The following CGNL1 variants were observed in gnomAD, a reference collection of about 807,000 sequenced individuals.
CGNL1 encodes the protein cingulin-like protein 1.
A neutral mutation model predicts 141.2 loss-of-function variants in CGNL1; 132 were observed. The ratio of observed to expected loss-of-function variants is 0.93; its 90% CI spans 0.81 to 1.08. The LOEUF is 1.08. Among genes scored for constraint, CGNL1 ranks in the 50% least tolerant of loss-of-function variants. The probability of loss-of-function intolerance (pLI) is 0.00; values close to 1 mark genes in which losing one functional copy is unlikely to be tolerated. For missense variants in CGNL1, 1,870 were observed against 1,588.6 expected (o/e 1.18, Z -3.01); for synonymous variants, 690 against 622.1 (o/e 1.11, Z -1.63).
intron 14 of CGNL1, among the ~76,000 whole-genome samples, chr15:57,532,181 T>C (rs2031989453): frequency 6.6e-6 from 1 of 152,220 alleles, no homozygotes; most frequent in Non-Finnish European, 1.5e-5. Flanking sequence ...TAAAAGCACA[T>C]TCTATCATTA....
At position 57,523,485 on chromosome 15, in the gene CGNL1, G is replaced by A. The variant is rs1466556041; in HGVS notation, c.2716-4G>A. ...CAGCACTGTCCTTTCCCTGCCATTT[G>A]CAGGGAAATCTGAGTCAGACTACCC... is the stretch of plus-strand genomic sequence containing the variant. On this transcript the variant is annotated splice_region_variant and splice_polypyrimidine_tract_variant and intron_variant, in intron 10 of 18. Coordinates refer to ENST00000281282, the MANE Select transcript of CGNL1 (RefSeq NM_032866.5). 1.9e-6 allele frequency: 3 copies of A among 1,613,948 alleles called. No homozygotes were observed. Among genetic ancestry groups the A allele is most frequent in the Non-Finnish European group, 2.5e-6 (3 of 1,180,008 alleles).
rs775773857 is a variant in CGNL1, at chr15:57,461,907, A to G, written c.2403+15A>G. 1 of 1,605,730 alleles carries G rather than the reference A, an allele frequency of 6.2e-7. No individual in the cohort carries two copies. The highest frequency in any genetic ancestry group is 8.5e-7 in the Non-Finnish European group (1 of 1,172,914). On this transcript the variant is annotated intron_variant, in intron 8 of 18. Transcript: ENST00000281282. ...AAGCAACCAAGGTGAGGGATGGGGC[A>G]GGAGAATCTGGCTTGTGAACAGATG...
At position 57,480,478 on chromosome 15, in the gene CGNL1, C is replaced by T. The variant is rs574257097; in HGVS notation, c.2403+18586C>T. Reference sequence around the variant, plus strand: ...GAGGTTGCAGTGAGCTGAGATCCTGCCATTGCACTCCAGCCTGGACAACAG... The same window carrying T: ...GAGGTTGCAGTGAGCTGAGATCCTGTCATTGCACTCCAGCCTGGACAACAG... On this transcript the variant is annotated intron_variant, in intron 8 of 18. Transcript: ENST00000281282. 7.0e-4 allele frequency among the ~76,000 whole-genome samples: 107 copies of T among 152,128 alleles called. 1 individual carries two copies. Among genetic ancestry groups the T allele is most frequent in the African/African-American group, 2.5e-3 (105 of 41,480 alleles).
At chr15:57,467,913 C>G (rs2063530094) in intron 8 of CGNL1, among the ~76,000 whole-genome samples, 3 of 152,146 alleles carry the variant, frequency 2.0e-5, no homozygotes, top group African/African-American at 7.2e-5. Context: ...TAGTCTAGAA[C>G]TCCTGACCTC....
rs567765765 is a variant in CGNL1, at chr15:57,538,479, C to G, written c.3292-5217C>G. Among the ~76,000 whole-genome samples, 11 of 152,080 alleles carry G rather than the reference C, an allele frequency of 7.2e-5. No individual in the cohort carries two copies. The East Asian group carries it at 1.4e-3, about 19-fold the overall frequency. Reference sequence around the variant, plus strand: ...GATAAATAATTCCTTTTTTTGCCCCCCTTTGGAGAGTCACCATTATCCTGG... The same window carrying G: ...GATAAATAATTCCTTTTTTTGCCCCGCTTTGGAGAGTCACCATTATCCTGG... On this transcript the variant is annotated intron_variant, in intron 14 of 18. Transcript: ENST00000281282.
At chr15:57,390,770 A>G (rs2062533997) in intron 1 of CGNL1, among the ~76,000 whole-genome samples, 1 of 152,040 alleles carries the variant, frequency 6.6e-6, no homozygotes. Context: ...TTTCACTGCG[A>G]TGGGGCTCGT....
At chr15:57,407,092 GC>G in intron 1 of CGNL1, 1 of 152,328 alleles carries the variant, frequency 6.6e-6, no homozygotes, top group Non-Finnish European at 1.5e-5. Flanking sequence ...ACTTGCCCCT[GC>G]TGTTAGGAGG....
chr15:57,494,280 A>T (rs1216028027), intron 8 of CGNL1, among the ~76,000 whole-genome samples: 2 of 152,218 alleles, frequency 1.3e-5, no homozygotes, highest in African/African-American at 4.8e-5. Flanking sequence ...GGGGTTGAGA[A>T]GGATCTGTAT....
chr15:57,388,566 G>A (rs925804665), intron 1 of CGNL1, among the ~76,000 whole-genome samples: 1 of 152,218 alleles, frequency 6.6e-6, no homozygotes, highest in South Asian at 2.1e-4. Flanking sequence ...GTGCTCGCAC[G>A]ACTGTACTGA....
In CGNL1 at chr15:57,549,929, G is replaced by C. The variant is rs553443499; in HGVS notation, c.*2439G>C. On this transcript the variant is annotated 3_prime_UTR_variant, in exon 19 of 19. Transcript: ENST00000281282. ...AAGCCTCAGCCCACTCATACCTAGAGACGCTGCTGGGGAAGGTCAGCACAC... is the reference window on the plus strand; with the variant it reads ...AAGCCTCAGCCCACTCATACCTAGACACGCTGCTGGGGAAGGTCAGCACAC... The C allele has an allele frequency of 8.5e-4, 129 of 152,312 alleles. No individual in the cohort carries two copies. The highest frequency in any genetic ancestry group is 2.8e-3 in the African/African-American group (118 of 41,560). The allele number at this position is 152,312 out of a possible 1,614,324, so 9.4% of individuals were successfully genotyped here. A position where few individuals can be genotyped will look rare whatever the true frequency, so the allele number is the denominator to read the frequency against.
chr15:57,510,651 T>C (rs1595780482), intron 8 of CGNL1, among the ~76,000 whole-genome samples: 1 of 152,178 alleles, frequency 6.6e-6, no homozygotes, highest in African/African-American at 2.4e-5. Flanking sequence ...AAAATTTACA[T>C]TCATTTATAA....
intron 8 of CGNL1, among the ~76,000 whole-genome samples, chr15:57,468,234 C>CTTTTTTTTTTTTTTTTTTTTT (rs57360097): frequency 1.2e-5 from 1 of 85,912 alleles, no homozygotes; most frequent in African/African-American, 5.0e-5. Flanking sequence ...TTTTCTTTTT[C>CTTTTTTTTTTTTTTTTTTTTT]TTTTTTTTTT....
chr15:57,548,309 T>C lies in CGNL1; in HGVS notation c.*819T>C, dbSNP rs983093825. The C allele has an allele frequency of 6.6e-6, 1 of 152,204 alleles. No individual in the cohort carries two copies. 9.4% of individuals were successfully genotyped at this position (152,204 alleles called of 1,614,324 possible). A position where few individuals can be genotyped will look rare whatever the true frequency, so the allele number is the denominator to read the frequency against. ...AGCCACCACGCCCAGCCATTGAGTA[T>C]TCTTTTTTAAAATATGAAGCTATTA... is the stretch of plus-strand genomic sequence containing the variant. On this transcript the variant is annotated 3_prime_UTR_variant, in exon 19 of 19. Coordinates refer to ENST00000281282, the MANE Select transcript of CGNL1 (RefSeq NM_032866.5).
At chr15:57,505,302 C>A (rs932009769) in intron 8 of CGNL1, among the ~76,000 whole-genome samples, 1 of 152,178 alleles carries the variant, frequency 6.6e-6, no homozygotes, top group East Asian at 1.9e-4. Flanking sequence ...TTGATCCGTG[C>A]AGTGAATGGA....
chr15:57,412,209 C>T (rs2062796741), intron 1 of CGNL1, among the ~76,000 whole-genome samples: 1 of 152,198 alleles, frequency 6.6e-6, no homozygotes, highest in African/African-American at 2.4e-5. Flanking sequence ...GTTTCACAGG[C>T]AGTGGATGTT....
chr15:57,380,564 T>C, intron 1 of CGNL1, among the ~76,000 whole-genome samples: 1 of 152,128 alleles, frequency 6.6e-6, no homozygotes, highest in East Asian at 1.9e-4. Flanking sequence ...ACAGGAGGCA[T>C]AAGACATGCT....
intron 1 of CGNL1, among the ~76,000 whole-genome samples, chr15:57,411,232 A>G (rs958967501): frequency 7.9e-5 from 12 of 152,074 alleles, no homozygotes; most frequent in African/African-American, 2.9e-4. Flanking sequence ...CAGAATCATC[A>G]CAGCTGTCTA....
chr15:57,502,338 A>C (rs1341888292), intron 8 of CGNL1, among the ~76,000 whole-genome samples: 1 of 152,120 alleles, frequency 6.6e-6, no homozygotes, highest in East Asian at 1.9e-4. Context: ...GGGAAAATGG[A>C]AAGGCTTGTT....
Position 57,548,269 on chromosome 15 carries a change from G to A in CGNL1, c.*779G>A, listed in dbSNP as rs1302655599. On this transcript the variant is annotated 3_prime_UTR_variant, in exon 19 of 19. Transcript: ENST00000281282. The stretch of plus-strand genomic sequence containing the variant: ...ACCTGCCTCAGCCTCCCAAAGTGCT[G>A]AGATTACAGGCATGAGCCACCACGC... The A allele has an allele frequency of 1.3e-5, 2 of 152,164 alleles. No individual in the cohort carries two copies. The highest frequency in any genetic ancestry group is 2.9e-5 in the Non-Finnish European group (2 of 68,074). The allele number at this position is 152,164 out of a possible 1,614,324, so 9.4% of individuals were successfully genotyped here.
Sources: gnomAD v4.1 joint callset for allele counts (sites outside exome capture counted in the v4.1 genomes callset) on GRCh38, gnomAD v4.1.1 for gene constraint, MANE v1.5 for transcripts, NCBI Gene and HGNC (gene_info 2026-07-23, HGNC 2026-07-21) for gene names.